The following AFG1L variants were observed in gnomAD, a reference collection of about 807,000 sequenced individuals.
AFG1L encodes the protein AFG1 like ATPase.
AFG1L carries 53 observed loss-of-function variants against 62.2 expected under a neutral mutation model. The observed-to-expected ratio is 0.85, with a 90% CI of 0.68 to 1.07. AFG1L has a LOEUF of 1.07. AFG1L is among the 50% of genes least tolerant of loss of function. The pLI, the probability that AFG1L is intolerant of heterozygous loss-of-function variation, is 0.00. For synonymous variants in AFG1L, 228 were observed against 210.3 expected, an observed-to-expected ratio of 1.08 and a Z score of -0.73; for missense variants, 555 against 590.5, an observed-to-expected ratio of 0.94 and a Z score of 0.62.
intron 7 of AFG1L, among the ~76,000 whole-genome samples, chr6:108,423,470 A>C (rs1770686822): frequency 6.6e-6 from 1 of 152,100 alleles, no homozygotes; most frequent in Non-Finnish European, 1.5e-5. Flanking sequence ...GTTTGGCTTA[A>C]GTTTTTAGGG....
chr6:108,431,582 C>G (rs973107136), intron 7 of AFG1L, among the ~76,000 whole-genome samples: 5 of 145,738 alleles, frequency 3.4e-5, no homozygotes, highest in African/African-American at 7.5e-5. Flanking sequence ...TCAGATGTTT[C>G]ACCTTTCTTT....
intron 7 of AFG1L, among the ~76,000 whole-genome samples, chr6:108,417,079 A>T (rs1244121381): frequency 6.6e-6 from 1 of 151,738 alleles, no homozygotes; most frequent in African/African-American, 2.4e-5. Context: ...CAAAAAAATA[A>T]AAAATTTAGT....
chr6:108,400,362 A>G (rs1781513836), intron 6 of AFG1L, among the ~76,000 whole-genome samples: 1 of 151,242 alleles, frequency 6.6e-6, no homozygotes, highest in African/African-American at 2.4e-5. Context: ...GAGGTCCGTT[A>G]TTTCTATACC....
chr6:108,325,638 A>G (rs1778011561), intron 2 of AFG1L, among the ~76,000 whole-genome samples: 1 of 151,578 alleles, frequency 6.6e-6, no homozygotes, highest in South Asian at 2.1e-4. Flanking sequence ...GGCACACACC[A>G]CCACACCTAG....
At chr6:108,344,681 C>T (rs761903997) in intron 2 of AFG1L, 49 of 469,452 alleles carry the variant, frequency 1.0e-4, no homozygotes, top group Non-Finnish European at 2.0e-4. Flanking sequence ...TTGACCACTC[C>T]GGTTGATGCT....
chr6:108,380,506 G>A (rs1359981559), intron 6 of AFG1L, among the ~76,000 whole-genome samples: 8 of 152,158 alleles, frequency 5.3e-5, no homozygotes, highest in Non-Finnish European at 7.4e-5. Flanking sequence ...GCTCTCTTCC[G>A]TGCCAGGCTT....
intron 2 of AFG1L, among the ~76,000 whole-genome samples, chr6:108,327,482 T>G (rs1378562459): frequency 6.6e-6 from 1 of 152,244 alleles, no homozygotes. Flanking sequence ...CAGTGTCTGA[T>G]GAGGGCCTGC....
rs1212495402 is a variant in AFG1L, at chr6:108,447,178, T to A, written c.808-36T>A. The A allele has an allele frequency of 8.2e-6, 9 of 1,104,290 alleles. No homozygotes were observed. The East Asian group carries it at 1.9e-4, about 23-fold the overall frequency. 68.4% of individuals were successfully genotyped at this position (1,104,290 alleles called of 1,614,324 possible). ...AAGGATTGTAATTCTGAGCCACTAC[T>A]TGTTTAAAAAGGCACTTCATTTGTT... On this transcript the variant is annotated intron_variant, in intron 7 of 12. Transcript: ENST00000368977.
At chr6:108,400,826 AAATATATATTTATATAT>A (rs1781559417) in intron 6 of AFG1L, among the ~76,000 whole-genome samples, 1 of 23,428 alleles carries the variant, frequency 4.3e-5, no homozygotes, top group African/African-American at 9.6e-4. Flanking sequence ...ATAATATATA[AAATATATATTTATATAT>A]AATGCAAATA....
intron 7 of AFG1L, among the ~76,000 whole-genome samples, chr6:108,410,279 C>G (rs1782038124): frequency 6.6e-6 from 1 of 151,966 alleles, no homozygotes; most frequent in Non-Finnish European, 1.5e-5. Context: ...TGCACTCCAG[C>G]CTGGGCAAGA....
chr6:108,301,877 T>C (rs1194477065), intron 1 of AFG1L, among the ~76,000 whole-genome samples: 4 of 152,128 alleles, frequency 2.6e-5, no homozygotes, highest in African/African-American at 9.7e-5. Context: ...AGATCACTGA[T>C]TGATTTACAA....
At chr6:108,317,542 A>C (rs1234371485) in intron 1 of AFG1L, among the ~76,000 whole-genome samples, 1 of 152,226 alleles carries the variant, frequency 6.6e-6, no homozygotes, top group Non-Finnish European at 1.5e-5. Context: ...TTGTAGAAGC[A>C]GTTGGAGAAG....
In AFG1L at chr6:108,443,154, G is replaced by T. The variant is rs576563922; in HGVS notation, c.808-4060G>T. Reference sequence around the variant, plus strand: ...TTCTGTAGGTCAAGGATTTGGTAAAGGCTCAGCTGGCAATTCTGGCTCCCT... The same window carrying T: ...TTCTGTAGGTCAAGGATTTGGTAAATGCTCAGCTGGCAATTCTGGCTCCCT... On this transcript the variant is annotated intron_variant, in intron 7 of 12. Coordinates refer to ENST00000368977, the MANE Select transcript of AFG1L (RefSeq NM_145315.5). 8.2e-4 allele frequency among the ~76,000 whole-genome samples: 125 copies of T among 152,306 alleles called. 1 individual carries two copies. Among genetic ancestry groups the T allele is most frequent in the Non-Finnish European group, 1.6e-3 (112 of 68,024 alleles).
intron 8 of AFG1L, among the ~76,000 whole-genome samples, chr6:108,469,652 G>A (rs1175548904): frequency 6.6e-6 from 1 of 152,184 alleles, no homozygotes; most frequent in Non-Finnish European, 1.5e-5. Flanking sequence ...TACTTGTGCT[G>A]TGTGCTGAAG....
At chr6:108,519,882 A>G in intron 12 of AFG1L, 72 bp downstream of exon 12, 1 of 896,288 alleles carries the variant, frequency 1.1e-6, no homozygotes, top group East Asian at 2.5e-5. Flanking sequence ...GCATGGCTAC[A>G]TTTTGAAGAA....
intron 10 of AFG1L, among the ~76,000 whole-genome samples, chr6:108,492,939 TACAC>T (rs141066470): frequency 1.3e-4 from 19 of 150,904 alleles, no homozygotes; most frequent in Non-Finnish European, 2.4e-4. Flanking sequence ...CAAATAATTA[TACAC>T]ACACACACAC....
At chr6:108,306,719 A>T (rs965073589) in intron 1 of AFG1L, among the ~76,000 whole-genome samples, 1 of 152,178 alleles carries the variant, frequency 6.6e-6, no homozygotes, top group Admixed American at 6.5e-5. Context: ...CTGTCGGTCA[A>T]GTCTCACAAC....
intron 8 of AFG1L, among the ~76,000 whole-genome samples, chr6:108,476,096 G>A (rs1268092514): frequency 6.6e-6 from 1 of 151,780 alleles, no homozygotes; most frequent in Non-Finnish European, 1.5e-5. Flanking sequence ...TTTATTGACT[G>A]TTAATTTACC....
chr6:108,359,949 C>T (rs1305528708), intron 5 of AFG1L: 3 of 152,162 alleles, frequency 2.0e-5, no homozygotes, highest in South Asian at 4.1e-4. Flanking sequence ...TATGTGAAGA[C>T]GTATTTCCCT....
Sources: allele counts gnomAD v4.1 joint callset (sites outside exome capture counted in the v4.1 genomes callset), GRCh38; gene constraint gnomAD v4.1.1; transcripts MANE v1.5; gene names NCBI Gene and HGNC (gene_info 2026-07-23, HGNC 2026-07-21).